The following COL22A1 variants were observed in gnomAD, a reference collection of about 807,000 sequenced individuals.
COL22A1 encodes the protein collagen type XXII alpha 1 chain, also known as collagen alpha-1(XXII) chain.
COL22A1 carries 221 observed loss-of-function variants against 248.9 expected under a neutral mutation model. The observed-to-expected ratio is 0.89, with a 90% confidence interval of 0.80 to 0.99. The LOEUF (loss-of-function observed/expected upper bound fraction) is 0.99. Ranked by LOEUF, COL22A1 falls within the 50% of genes least tolerant of loss-of-function variation. The pLI is 0.00. For missense variants in COL22A1, 2,240 were observed against 2,179.0 expected (o/e 1.03, Z -0.56); for synonymous variants, 891 against 793.4 (o/e 1.12, Z -2.07).
chr8:138,793,408 CAG>C (rs1216922659), intron 12 of COL22A1, among the ~76,000 whole-genome samples: 1 of 152,204 alleles, frequency 6.6e-6, no homozygotes. Flanking sequence ...TCCCTAATCT[CAG>C]AGCTGCTGCC....
chr8:138,653,091 T>C (rs973396787), intron 45 of COL22A1, among the ~76,000 whole-genome samples: 1 of 152,130 alleles, frequency 6.6e-6, no homozygotes, highest in Non-Finnish European at 1.5e-5. Context: ...GGTCATTGCA[T>C]GTAATACTGT....
chr8:138,593,507 CT>C (rs1467506914), intron 63 of COL22A1, among the ~76,000 whole-genome samples: 2 of 152,122 alleles, frequency 1.3e-5, no homozygotes, highest in African/African-American at 4.8e-5. Flanking sequence ...CACTTGGCTT[CT>C]TCTGACCTGT....
chr8:138,630,516 G>C (rs1191990575), intron 50 of COL22A1, among the ~76,000 whole-genome samples, 179 bp downstream of exon 50: 1 of 152,134 alleles, frequency 6.6e-6, no homozygotes, highest in Non-Finnish European at 1.5e-5. Flanking sequence ...AAAGTAAACA[G>C]GGGTCCAACA....
At chr8:138,667,127 T>A (rs1198075940) in intron 41 of COL22A1, among the ~76,000 whole-genome samples, 5 of 152,214 alleles carry the variant, frequency 3.3e-5, no homozygotes, top group Non-Finnish European at 7.3e-5. Context: ...ATACAATGAC[T>A]TTCTAATGTC....
chr8:138,887,159 C>A (rs1263890464), intron 1 of COL22A1, among the ~76,000 whole-genome samples: 6 of 151,862 alleles, frequency 4.0e-5, no homozygotes, highest in Admixed American at 1.3e-4. Flanking sequence ...TATTCTTTTA[C>A]CTGTTAACTG....
Position 138,649,709 on chromosome 8 carries a change from C to T in COL22A1, c.3403G>A (p.Gly1135Ser). ...PGLPGFKGDK[G>S]VPGKPGREGT... ...TCTCTCCCTGGCTTTCCTGGGACACCTTTGTCCCCTTTAAAACCTGGTAGA... is the reference window on the plus strand; with the variant it reads ...TCTCTCCCTGGCTTTCCTGGGACACTTTTGTCCCCTTTAAAACCTGGTAGA... Residue 1135 changes from glycine to serine, a missense_variant, in exon 46 of 65, where the codon GGT (glycine) becomes AGT (serine). Coordinates refer to ENST00000303045, the MANE Select transcript of COL22A1 (RefSeq NM_152888.3). 2 of 1,613,286 alleles carry T rather than the reference C, an allele frequency of 1.2e-6. No individual in the cohort carries two copies. The highest frequency in any genetic ancestry group is 1.7e-6 in the Non-Finnish European group (2 of 1,179,616).
chr8:138,724,559 C>G, intron 25 of COL22A1, 56 bp downstream of exon 25: 1 of 1,557,984 alleles, frequency 6.4e-7, no homozygotes, highest in Middle Eastern at 1.7e-4. Context: ...CAGTGCTCCC[C>G]CCAGAGCAAT....
chr8:138,903,931 C>T (rs1814806220), intron 1 of COL22A1, among the ~76,000 whole-genome samples: 1 of 152,070 alleles, frequency 6.6e-6, no homozygotes, highest in African/African-American at 2.4e-5. Flanking sequence ...GTGGGGGATC[C>T]TGATGCACAC....
chr8:138,836,882 G>A (rs1367533992), intron 4 of COL22A1, among the ~76,000 whole-genome samples: 1 of 152,184 alleles, frequency 6.6e-6, no homozygotes, highest in Non-Finnish European at 1.5e-5. Flanking sequence ...AACAGCCGCT[G>A]TTCCTACTCA....
intron 44 of COL22A1, among the ~76,000 whole-genome samples, chr8:138,659,171 G>C (rs1203116273): frequency 6.6e-6 from 1 of 152,134 alleles, no homozygotes; most frequent in Non-Finnish European, 1.5e-5. Context: ...ACTCTACAGG[G>C]GAGGAAACAG....
chr8:138,909,119 G>A (rs1253712315), intron 1 of COL22A1, among the ~76,000 whole-genome samples: 4 of 152,208 alleles, frequency 2.6e-5, no homozygotes, highest in Admixed American at 2.0e-4. Flanking sequence ...CACCCTTAAT[G>A]TATAATCACA....
chr8:138,660,348 A>G, intron 44 of COL22A1, 88 bp downstream of exon 44: 1 of 1,147,586 alleles, frequency 8.7e-7, no homozygotes, highest in Non-Finnish European at 1.3e-6. Flanking sequence ...CTTTGTTAAA[A>G]CCTCTTGAAC....
intron 27 of COL22A1, among the ~76,000 whole-genome samples, chr8:138,717,091 C>T (rs974040375): frequency 8.5e-5 from 13 of 152,100 alleles, no homozygotes; most frequent in African/African-American, 3.1e-4. Context: ...CTTTTGCTTT[C>T]CCCAAAAGAA....
chr8:138,809,004 C>T (rs1162613067), intron 9 of COL22A1, among the ~76,000 whole-genome samples: 1 of 152,022 alleles, frequency 6.6e-6, no homozygotes, highest in African/African-American at 2.4e-5. Flanking sequence ...CAATGTCTGT[C>T]TGTGGCCAGA....
intron 18 of COL22A1, among the ~76,000 whole-genome samples, chr8:138,758,795 C>T (rs550577513): frequency 1.3e-5 from 2 of 152,318 alleles, no homozygotes; most frequent in African/African-American, 4.8e-5. Flanking sequence ...TGACCTTCTC[C>T]TCCCATTTCT....
At chr8:138,795,012 C>T (rs189566140) in intron 12 of COL22A1, among the ~76,000 whole-genome samples, 8 of 152,130 alleles carry the variant, frequency 5.3e-5, no homozygotes, top group Non-Finnish European at 1.2e-4. Context: ...ATCAACAGTA[C>T]TGTACTGCAC....
intron 7 of COL22A1, among the ~76,000 whole-genome samples, chr8:138,820,471 A>C (rs1819019195): frequency 6.6e-6 from 1 of 152,210 alleles, no homozygotes; most frequent in Non-Finnish European, 1.5e-5. Context: ...GAAAAATTAA[A>C]GAAATGAAAA....
chr8:138,673,205 C>T (rs190414285), intron 41 of COL22A1, among the ~76,000 whole-genome samples: 1 of 134,160 alleles, frequency 7.5e-6, no homozygotes, highest in East Asian at 2.3e-4. Context: ...TACTTACAGC[C>T]GATCTATTTT....
chr8:138,883,632 G>C (rs1355928244), intron 1 of COL22A1, among the ~76,000 whole-genome samples: 1 of 152,146 alleles, frequency 6.6e-6, no homozygotes, highest in Admixed American at 6.5e-5. Context: ...CATGGGGGCA[G>C]TTTCCCCCAT....
Sources: gnomAD v4.1 joint callset for allele counts (sites outside exome capture counted in the v4.1 genomes callset) on GRCh38, gnomAD v4.1.1 for gene constraint, MANE v1.5 for transcripts, NCBI Gene and HGNC (gene_info 2026-07-23, HGNC 2026-07-21) for gene names.